The following ARF5 variants were observed in gnomAD, a reference collection of about 807,000 sequenced individuals.
ARF5 encodes the protein ADP-ribosylation factor 5.
ARF5 carries 10 observed loss-of-function variants against 24.8 expected under a neutral mutation model. That is an observed-to-expected ratio of 0.40 (90% confidence interval 0.25 to 0.68). The LOEUF is 0.68. Among genes scored for constraint, ARF5 ranks in the 30% least tolerant of loss-of-function variants. ARF5 has a pLI of 0.36. For synonymous variants in ARF5, 102 were observed against 95.1 expected (o/e 1.07, Z -0.42); for missense variants, 135 against 239.2 (o/e 0.56, Z 2.87).
rs1003540058 is a variant in ARF5, at chr7:127,588,430, T to TC, written c.-63dup. ...CTCCTCCTGCTGCTGCTGCGCCCCA[T>TC]CCCCCCGCGGCCGGCCAGTTCCAGC... On this transcript the variant is annotated 5_prime_UTR_variant, in exon 1 of 6. Transcript: ENST00000000233. The TC allele has an allele frequency of 1.3e-5, 13 of 1,025,906 alleles. No individual in the cohort carries two copies. The highest frequency in any genetic ancestry group is 1.0e-4 in the African/African-American group (6 of 58,708). The allele number at this position is 1,025,906 out of a possible 1,614,324, so 63.6% of individuals were successfully genotyped here.
In ARF5 at chr7:127,588,522, C is replaced by G; in HGVS notation, c.24C>G (p.Leu8=). ...CCATGGGCCTCACCGTGTCCGCGCT[C>G]TTTTCGCGGATCTTCGGGAAGAAGC... MGLTVSA[L]FSRIFGKKQM... The change falls in exon 1 of 6, where the codon CTC becomes CTG. Residue 8 remains leucine, a synonymous_variant. Transcript: ENST00000000233. The G allele has an allele frequency of 6.8e-7, 1 of 1,470,284 alleles. No homozygotes were observed. Among genetic ancestry groups the G allele is most frequent in the Non-Finnish European group, 9.1e-7 (1 of 1,100,726 alleles). 91.1% of individuals were successfully genotyped at this position (1,470,284 alleles called of 1,614,324 possible).
intron 1 of ARF5, 139 bp from the exon 2 acceptor site, chr7:127,588,944 A>T: frequency 1.0e-6 from 1 of 972,638 alleles, no homozygotes; most frequent in Non-Finnish European, 1.6e-6. Flanking sequence ...CAGGCCTCAA[A>T]GGTAGATAAC....
At position 127,591,105 on chromosome 7, in the gene ARF5, C is replaced by G. The variant is rs1454029308; in HGVS notation, c.456+17C>G. 1 of 1,613,472 alleles carries G rather than the reference C, an allele frequency of 6.2e-7. No individual in the cohort carries two copies. ...AGCCGCACGGTAGGGGTCCTGCCCA[C>G]CTGGTGCTGAATCCTGCCTCTTGAG... is the stretch of plus-strand genomic sequence containing the variant. On this transcript the variant is annotated intron_variant, in intron 5 of 5. Transcript: ENST00000000233.
Position 127,591,414 on chromosome 7 carries a change from C to G in ARF5, c.*115C>G, listed in dbSNP as rs1794286915. Reference sequence around the variant, plus strand: ...CCTCCCACTTTTCCTCCCCCATAGCCACAGGCCTCTGCTCCTGCTCCTGCC... The same window carrying G: ...CCTCCCACTTTTCCTCCCCCATAGCGACAGGCCTCTGCTCCTGCTCCTGCC... On this transcript the variant is annotated 3_prime_UTR_variant, in exon 6 of 6. Transcript: ENST00000000233. The G allele has an allele frequency of 2.3e-6, 2 of 871,620 alleles. No individual in the cohort carries two copies. Among genetic ancestry groups the G allele is most frequent in the Non-Finnish European group, 1.7e-6 (1 of 587,908 alleles). The allele number at this position is 871,620 out of a possible 1,614,324, so 54.0% of individuals were successfully genotyped here. A position where few individuals can be genotyped will look rare whatever the true frequency, so the allele number is the denominator to read the frequency against.
At chr7:127,590,707 T>TTTTAA (rs1435951301) in intron 4 of ARF5, among the ~76,000 whole-genome samples, 2 of 152,222 alleles carry the variant, frequency 1.3e-5, no homozygotes, top group Non-Finnish European at 2.9e-5. Flanking sequence ...AAGAGAAACA[T>TTTTAA]TTTACATTCC....
At position 127,588,540 on chromosome 7, in the gene ARF5, G is replaced by T. The variant is rs1169015902; in HGVS notation, c.42G>T (p.Gly14=). Residue 14 remains glycine (G), a synonymous_variant, in exon 1 of 6, where the codon GGG becomes GGT. Transcript: ENST00000000233. ...TVSALFSRIF[G]KKQMRILMVG... ...CCGCGCTCTTTTCGCGGATCTTCGG[G>T]AAGAAGCAGATGCGGATTCTCATGG... 1.4e-6 allele frequency: 2 copies of T among 1,465,380 alleles called. No individual in the cohort carries two copies. Among genetic ancestry groups the T allele is most frequent in the Non-Finnish European group, 1.8e-6 (2 of 1,096,658 alleles). The allele number at this position is 1,465,380 out of a possible 1,614,324, so 90.8% of individuals were successfully genotyped here.
intron 5 of ARF5, 50 bp from the exon 6 acceptor site, chr7:127,591,163 C>A: frequency 6.2e-7 from 1 of 1,607,388 alleles, no homozygotes; most frequent in Non-Finnish European, 8.5e-7. Context: ...GATATAAAGG[C>A]ATTCCTTTTG....
chr7:127,591,154 A>G lies in ARF5; in HGVS notation c.457-59A>G, dbSNP rs1201308465. The stretch of plus-strand genomic sequence containing the variant: ...AGGGAAGCTGCAGGCTGGGACAGAG[A>G]TATAAAGGCATTCCTTTTGTTCCTG... On this transcript the variant is annotated intron_variant, in intron 5 of 5. Transcript: ENST00000000233. 5 of 1,608,416 alleles carry G rather than the reference A, an allele frequency of 3.1e-6. No homozygotes were observed. In the African/African-American group the frequency reaches 5.4e-5, roughly 17 times the overall value.
intron 3 of ARF5, 31 bp from the exon 4 acceptor site, chr7:127,590,035 G>A (rs1249936894): frequency 3.8e-6 from 6 of 1,589,646 alleles, no homozygotes; most frequent in Non-Finnish European, 5.2e-6. Flanking sequence ...AGAAGTGATT[G>A]CTTCTCCTTT....
chr7:127,591,629 G>A lies in ARF5; in HGVS notation c.*330G>A. ...TACTCTAGGGGCCAGGTTGGGAGGG[G>A]GAAGGTGAGGGCTTCGGGTGGTGCT... On this transcript the variant is annotated 3_prime_UTR_variant, in exon 6 of 6. Transcript: ENST00000000233. 2 of 321,726 alleles carry A rather than the reference G, an allele frequency of 6.2e-6. No individual in the cohort carries two copies. The highest frequency in any genetic ancestry group is 8.0e-5 in the East Asian group (1 of 12,468). The allele number at this position is 321,726 out of a possible 1,614,324, so 19.9% of individuals were successfully genotyped here.
intron 1 of ARF5, 52 bp from the exon 2 acceptor site, chr7:127,589,031 C>G (rs561712633): frequency 4.4e-6 from 7 of 1,598,918 alleles, no homozygotes; most frequent in Non-Finnish European, 6.0e-6. Context: ...TCCCTGGTCT[C>G]TAGGGGGCTC....
At chr7:127,588,730 C>T in intron 1 of ARF5, 165 bp downstream of exon 1, 2 of 718,666 alleles carry the variant, frequency 2.8e-6, no homozygotes, top group East Asian at 6.5e-5. Context: ...TCTGCATCGC[C>T]GACCCCGGGG....
intron 3 of ARF5, 151 bp from the exon 4 acceptor site, chr7:127,589,915 A>G (rs751750712): frequency 1.4e-6 from 1 of 715,310 alleles, no homozygotes; most frequent in Non-Finnish European, 2.4e-6. Context: ...ACTCCTGTAG[A>G]GCTTCTATAG....
intron 1 of ARF5, 76 bp from the exon 2 acceptor site, chr7:127,589,007 G>A: frequency 6.5e-7 from 1 of 1,528,074 alleles, no homozygotes; most frequent in South Asian, 1.1e-5. Flanking sequence ...ATCAGCTGTT[G>A]TGGCCTCTCC....
At chr7:127,589,744 T>C in intron 3 of ARF5, 150 bp downstream of exon 3, 2 of 643,528 alleles carry the variant, frequency 3.1e-6, no homozygotes, top group East Asian at 2.7e-5. Flanking sequence ...CTACTCACTC[T>C]TCAGAACTCA....
At position 127,590,144 on chromosome 7, in the gene ARF5, A is replaced by C; in HGVS notation, c.330+7A>C. 1.2e-6 allele frequency: 2 copies of C among 1,611,882 alleles called. No homozygotes were observed. Among genetic ancestry groups the C allele is most frequent in the Non-Finnish European group, 1.7e-6 (2 of 1,178,096 alleles). On this transcript the variant is annotated splice_region_variant and intron_variant, in intron 4 of 5. Coordinates refer to ENST00000000233, the MANE Select transcript of ARF5 (RefSeq NM_001662.4). ...TGATGAACTCCAGAAGATGGTGAGT[A>C]CCCAGAGCCCTGGGAACTGAGCCCT...
At chr7:127,590,220 C>G in intron 4 of ARF5, 83 bp downstream of exon 4, 1 of 1,165,348 alleles carries the variant, frequency 8.6e-7, no homozygotes, top group Non-Finnish European at 1.3e-6. Flanking sequence ...CAGGGAGCCC[C>G]CAACAGGCAT....
At chr7:127,590,620 A>T (rs187819100) in intron 4 of ARF5, among the ~76,000 whole-genome samples, 83 of 152,344 alleles carry the variant, frequency 5.4e-4, no homozygotes, top group Non-Finnish European at 1.1e-3. Context: ...GGAGTGAGCC[A>T]CTGCGCCCGG....
chr7:127,589,917 C>T lies in ARF5; in HGVS notation c.259-149C>T, dbSNP rs1794258963. ...AGTTTGTGCCATGACTCCTGTAGAGCTTCTATAGAGTTCTGTAAACTTCTG... is the reference window on the plus strand; with the variant it reads ...AGTTTGTGCCATGACTCCTGTAGAGTTTCTATAGAGTTCTGTAAACTTCTG... On this transcript the variant is annotated intron_variant, in intron 3 of 5. Coordinates refer to ENST00000000233, the MANE Select transcript of ARF5 (RefSeq NM_001662.4). 10 of 730,470 alleles carry T rather than the reference C, an allele frequency of 1.4e-5. No homozygotes were observed. In the Admixed American group the frequency reaches 2.0e-4, roughly 15 times the overall value. The allele number at this position is 730,470 out of a possible 1,614,324, so 45.2% of individuals were successfully genotyped here.
Sources: gnomAD v4.1 joint callset for allele counts (sites outside exome capture counted in the v4.1 genomes callset) on GRCh38, gnomAD v4.1.1 for gene constraint, MANE v1.5 for transcripts, NCBI Gene and HGNC (gene_info 2026-07-23, HGNC 2026-07-21) for gene names.